The following SLC8A1 variants were observed in gnomAD, a reference collection of about 807,000 sequenced individuals.
SLC8A1 encodes solute carrier family 8 member A1, also known as sodium/calcium exchanger 1.
In SLC8A1, 18 loss-of-function variants were observed where a neutral mutation model predicts 68.3. The ratio of observed to expected loss-of-function variants is 0.26; its 90% CI spans 0.18 to 0.39. The LOEUF is 0.39. Among genes scored for constraint, SLC8A1 ranks in the 10% least tolerant of loss-of-function variants. The pLI is 1.00. For synonymous variants in SLC8A1, 475 were observed against 415.5 expected (o/e 1.14, Z -1.74); for missense variants, 985 against 1,156.7 (o/e 0.85, Z 2.15).
intron 6 of SLC8A1, among the ~76,000 whole-genome samples, chr2:40,157,621 G>T (rs1471350661): frequency 2.0e-5 from 3 of 152,064 alleles, no homozygotes; most frequent in Non-Finnish European, 4.4e-5. Context: ...TCACCATTCT[G>T]CCCTGGTAGA....
At chr2:40,210,859 T>C (rs2056454801) in intron 2 of SLC8A1, among the ~76,000 whole-genome samples, 1 of 152,208 alleles carries the variant, frequency 6.6e-6, no homozygotes, top group Non-Finnish European at 1.5e-5. Flanking sequence ...TTTACCTTTT[T>C]GTCATGTACA....
At chr2:40,480,565 T>C (rs1183321160) in intron 1 of SLC8A1, among the ~76,000 whole-genome samples, 1 of 152,208 alleles carries the variant, frequency 6.6e-6, no homozygotes, top group Non-Finnish European at 1.5e-5. Flanking sequence ...AGCCAGTTTA[T>C]GGGATTTTTG....
At chr2:40,410,656 T>C (rs1232894287) in intron 2 of SLC8A1, among the ~76,000 whole-genome samples, 1 of 152,156 alleles carries the variant, frequency 6.6e-6, no homozygotes, top group Admixed American at 6.6e-5. Context: ...TAAATCCAGC[T>C]AATTAACGTA....
At chr2:40,456,682 G>C (rs542367350), upstream of SLC8A1, among the ~76,000 whole-genome samples, 3 of 152,262 alleles carry the variant, frequency 2.0e-5, no homozygotes, top group Admixed American at 2.0e-4. Context: ...AGGATGCTTG[G>C]CATAGTTCCT....
chr2:40,433,376 G>A (rs899775789), intron 1 of SLC8A1, among the ~76,000 whole-genome samples: 1 of 152,110 alleles, frequency 6.6e-6, no homozygotes, highest in African/African-American at 2.4e-5. Context: ...CTTCTTAGAA[G>A]CAAGTTTCAA....
At chr2:40,472,515 T>G (rs1479218004) in intron 1 of SLC8A1, among the ~76,000 whole-genome samples, 1 of 152,188 alleles carries the variant, frequency 6.6e-6, no homozygotes, top group African/African-American at 2.4e-5. Context: ...TTTCAACCAA[T>G]GTAAGATCTT....
intron 1 of SLC8A1, among the ~76,000 whole-genome samples, chr2:40,432,886 T>G (rs1323075132): frequency 6.6e-6 from 1 of 152,124 alleles, no homozygotes; most frequent in Admixed American, 6.5e-5. Context: ...AATTTATAAG[T>G]GATCCCAATA....
intron 2 of SLC8A1, among the ~76,000 whole-genome samples, chr2:40,247,999 T>G (rs1040734455): frequency 2.0e-5 from 3 of 152,214 alleles, no homozygotes; most frequent in African/African-American, 7.2e-5. Context: ...AACTCAAATG[T>G]GATGTTAGGT....
At chr2:40,497,463 AG>A (rs975993371) in intron 1 of SLC8A1, among the ~76,000 whole-genome samples, 1 of 152,056 alleles carries the variant, frequency 6.6e-6, no homozygotes, top group African/African-American at 2.4e-5. Context: ...AGATATCCAC[AG>A]GGGGCAGTGG....
At chr2:40,486,156 C>T (rs914606377) in intron 1 of SLC8A1, among the ~76,000 whole-genome samples, 6 of 152,072 alleles carry the variant, frequency 3.9e-5, no homozygotes, top group East Asian at 1.9e-4. Context: ...TCCTGCCTGC[C>T]GCCTTGTGAA....
chr2:40,344,708 C>A (rs1668721269), intron 2 of SLC8A1, among the ~76,000 whole-genome samples: 1 of 152,146 alleles, frequency 6.6e-6, no homozygotes, highest in Non-Finnish European at 1.5e-5. Flanking sequence ...TCAGTCTATT[C>A]CTATGTACAC....
At chr2:40,286,003 G>A (rs551283919) in intron 2 of SLC8A1, among the ~76,000 whole-genome samples, 28 of 152,226 alleles carry the variant, frequency 1.8e-4, no homozygotes, top group African/African-American at 6.3e-4. Flanking sequence ...AAAATGTTAG[G>A]ACCAGGGCAA....
At chr2:40,468,059 AT>A in intron 1 of SLC8A1, among the ~76,000 whole-genome samples, 1 of 152,260 alleles carries the variant, frequency 6.6e-6, no homozygotes, top group Middle Eastern at 3.4e-3. Context: ...ATATTATGAT[AT>A]AAAATCTGTG....
intron 2 of SLC8A1, among the ~76,000 whole-genome samples, chr2:40,248,183 G>C (rs189986636): frequency 6.6e-5 from 10 of 152,274 alleles, no homozygotes; most frequent in Middle Eastern, 6.8e-3. Flanking sequence ...CTCAACTATG[G>C]ATTAAAAATA....
intron 1 of SLC8A1, among the ~76,000 whole-genome samples, chr2:40,447,207 A>G (rs940431819): frequency 6.6e-6 from 1 of 152,230 alleles, no homozygotes; most frequent in Non-Finnish European, 1.5e-5. Flanking sequence ...GCATTAATAC[A>G]TATTGCAGAA....
chr2:40,477,459 G>A (rs570424126), intron 1 of SLC8A1, among the ~76,000 whole-genome samples: 1 of 152,208 alleles, frequency 6.6e-6, no homozygotes, highest in African/African-American at 2.4e-5. Context: ...CGGTTGAAAA[G>A]AAGATAATTT....
chr2:40,395,059 C>T (rs1262581505), intron 2 of SLC8A1, among the ~76,000 whole-genome samples: 10 of 152,130 alleles, frequency 6.6e-5, no homozygotes, highest in Admixed American at 6.5e-4. Context: ...TAACAGACCA[C>T]TGATGTCCAG....
chr2:40,312,564 T>A (rs1267266193), intron 2 of SLC8A1, among the ~76,000 whole-genome samples: 1 of 152,112 alleles, frequency 6.6e-6, no homozygotes, highest in Non-Finnish European at 1.5e-5. Context: ...AATATACAGG[T>A]ATAAATATGT....
At chr2:40,122,265 A>T (rs917810791) in intron 7 of SLC8A1, among the ~76,000 whole-genome samples, 4 of 151,676 alleles carry the variant, frequency 2.6e-5, no homozygotes, top group Non-Finnish European at 4.4e-5. Flanking sequence ...TCACTGGTTC[A>T]TGTGAAAAGA....
Sources: gnomAD v4.1 joint callset for allele counts (sites outside exome capture counted in the v4.1 genomes callset) on GRCh38, gnomAD v4.1.1 for gene constraint, MANE v1.5 for transcripts, NCBI Gene and HGNC (gene_info 2026-07-23, HGNC 2026-07-21) for gene names.